The following BTBD16 variants were observed in gnomAD, a reference collection of about 807,000 sequenced individuals.
The protein encoded by BTBD16 is BTB/POZ domain-containing protein 16.
A neutral mutation model predicts 67.4 loss-of-function variants in BTBD16; 66 were observed. The observed-to-expected ratio is 0.98, with a 90% confidence interval of 0.80 to 1.20. The LOEUF (loss-of-function observed/expected upper bound fraction) is 1.20. Ranked by LOEUF, BTBD16 falls within the 50% of genes most tolerant of loss-of-function variation. The pLI is 0.00. For missense variants in BTBD16, 634 were observed against 616.0 expected, an observed-to-expected ratio of 1.03 and a Z score of -0.31; for synonymous variants, 242 against 236.4, an observed-to-expected ratio of 1.02 and a Z score of -0.22.
chr10:122,289,653 G>T (rs1172622843), intron 5 of BTBD16, among the ~76,000 whole-genome samples: 1 of 152,110 alleles, frequency 6.6e-6, no homozygotes, highest in East Asian at 1.9e-4. Flanking sequence ...CAGGAGAATA[G>T]CTTGAACCCA....
intron 5 of BTBD16, among the ~76,000 whole-genome samples, chr10:122,288,572 T>G (rs992053646): frequency 7.7e-6 from 1 of 129,034 alleles, no homozygotes; most frequent in African/African-American, 2.5e-5. Flanking sequence ...AGCACCAGTG[T>G]GTGTGAGCCT....
chr10:122,277,858 C>A (rs1019356262), intron 3 of BTBD16, among the ~76,000 whole-genome samples: 1 of 152,168 alleles, frequency 6.6e-6, no homozygotes, highest in Non-Finnish European at 1.5e-5. Flanking sequence ...TTTGTAGCAA[C>A]CCTATTGCAG....
Position 122,307,201 on chromosome 10 carries a change from T to G in BTBD16, c.804T>G (p.Phe268Leu). 1.2e-6 allele frequency: 2 copies of G among 1,602,880 alleles called. No homozygotes were observed. Among genetic ancestry groups the G allele is most frequent in the Non-Finnish European group, 1.7e-6 (2 of 1,176,828 alleles). The change falls in exon 10 of 16, where the codon TTT (phenylalanine) becomes TTG (leucine). Residue 268 changes from phenylalanine to leucine, a missense_variant. Phe to Leu is a conservative substitution (Grantham distance 22). Coordinates refer to ENST00000260723, the MANE Select transcript of BTBD16 (RefSeq NM_144587.5). ...TTATTTTGGCCAGGTTATTTACCTT[T>G]AGTGAATTCCATCTTCTGAAAACAA... The part of the protein sequence containing the change: ...KVLKSPRLFT[F>L]SEFHLLKTML...
chr10:122,301,557 G>A (rs74159114), intron 9 of BTBD16, among the ~76,000 whole-genome samples: 4,864 of 152,242 alleles, frequency 0.032, 254 homozygotes, highest in African/African-American at 0.11. Flanking sequence ...CATCTTCTGA[G>A]GTTGATCTCC....
intron 13 of BTBD16, chr10:122,332,984 C>A (rs544291969): frequency 8.9e-5 from 88 of 984,860 alleles, no homozygotes; most frequent in Admixed American, 1.8e-4. Context: ...GGTCAAGGAG[C>A]TTGATTGCAA....
chr10:122,293,870 C>T (rs1242058125), intron 7 of BTBD16, among the ~76,000 whole-genome samples: 22 of 152,190 alleles, frequency 1.4e-4, no homozygotes, highest in Admixed American at 1.4e-3. Context: ...GCCTCAGCTG[C>T]CCTACCTTAG....
chr10:122,295,772 C>T (rs1471022062), intron 7 of BTBD16, among the ~76,000 whole-genome samples: 1 of 152,192 alleles, frequency 6.6e-6, no homozygotes, highest in Non-Finnish European at 1.5e-5. Flanking sequence ...TTCCCCAGTA[C>T]TCAAGACAAC....
At chr10:122,276,992 G>T in intron 3 of BTBD16, 53 bp downstream of exon 3, 2 of 1,582,464 alleles carry the variant, frequency 1.3e-6, no homozygotes, top group Non-Finnish European at 1.7e-6. Context: ...TCCTGGGAGG[G>T]GAGGTGCCTG....
chr10:122,303,907 A>C (rs1411868780), intron 9 of BTBD16, among the ~76,000 whole-genome samples: 1 of 152,236 alleles, frequency 6.6e-6, no homozygotes, highest in Non-Finnish European at 1.5e-5. Flanking sequence ...ATATTGACCT[A>C]AAGACAGAGG....
At chr10:122,324,438 G>A (rs1590091463) in intron 10 of BTBD16, among the ~76,000 whole-genome samples, 1 of 152,366 alleles carries the variant, frequency 6.6e-6, no homozygotes. Flanking sequence ...GGTGGGCGAG[G>A]CCATGTGCCT....
At chr10:122,328,311 GC>G (rs1554893533) in intron 10 of BTBD16, among the ~76,000 whole-genome samples, 2 of 152,138 alleles carry the variant, frequency 1.3e-5, no homozygotes, top group Non-Finnish European at 2.9e-5. Context: ...GAAAGCATCC[GC>G]CTGACCTTAT....
chr10:122,336,515 G>A lies in BTBD16; in HGVS notation c.1285G>A (p.Glu429Lys), dbSNP rs1390133338. The change falls in exon 15 of 16, where the codon GAA (glutamate) becomes AAA (lysine). Residue 429 changes from glutamate (E) to lysine (K), a missense_variant. Transcript: ENST00000260723. The part of the protein sequence containing the change: ...YMQRIKHTDL[E>K]SPSAVYEHNH... ...GCAGAGAATAAAGCACACAGACCTGGAATCTCCCTCTGCGGTCTACGAGCA... is the reference window on the plus strand; with the variant it reads ...GCAGAGAATAAAGCACACAGACCTGAAATCTCCCTCTGCGGTCTACGAGCA... 3.1e-6 allele frequency: 5 copies of A among 1,608,752 alleles called. No homozygotes were observed. The highest frequency in any genetic ancestry group is 4.2e-6 in the Non-Finnish European group (5 of 1,177,834).
intron 9 of BTBD16, among the ~76,000 whole-genome samples, chr10:122,306,627 C>T (rs911662800): frequency 6.6e-6 from 1 of 152,140 alleles, no homozygotes; most frequent in African/African-American, 2.4e-5. Context: ...TCAATCATGG[C>T]CAGAGCTAAG....
chr10:122,317,890 T>A (rs561267443), intron 10 of BTBD16, among the ~76,000 whole-genome samples: 2 of 152,134 alleles, frequency 1.3e-5, no homozygotes, highest in African/African-American at 2.4e-5. Flanking sequence ...ACTTTTTTTT[T>A]ATAAGTAGAA....
intron 10 of BTBD16, among the ~76,000 whole-genome samples, chr10:122,315,361 A>G (rs2142106702): frequency 6.6e-6 from 1 of 152,346 alleles, no homozygotes; most frequent in African/African-American, 2.4e-5. Flanking sequence ...AATGAAACCA[A>G]CTAGGTCAAG....
chr10:122,327,588 T>C (rs2096447428), intron 10 of BTBD16: 1 of 985,310 alleles, frequency 1.0e-6, no homozygotes, highest in Non-Finnish European at 1.2e-6. Flanking sequence ...CCCAGCTTGG[T>C]TGGATGATGA....
intron 10 of BTBD16, among the ~76,000 whole-genome samples, chr10:122,307,608 A>AC (rs951802879): frequency 3.3e-5 from 5 of 151,800 alleles, no homozygotes; most frequent in Non-Finnish European, 7.4e-5. Flanking sequence ...TGACCACACT[A>AC]CCCTGGCCTT....
Position 122,278,351 on chromosome 10 carries a change from T to G in BTBD16, c.167+1412T>G, listed in dbSNP as rs116479238. On this transcript the variant is annotated intron_variant, in intron 3 of 15. Coordinates refer to ENST00000260723, the MANE Select transcript of BTBD16 (RefSeq NM_144587.5). Reference sequence around the variant, plus strand: ...TCTTCACTTACTAATTCTGTGACCTTTAGTCAGTGGCTAACCCTCTTTGGG... The same window carrying G: ...TCTTCACTTACTAATTCTGTGACCTGTAGTCAGTGGCTAACCCTCTTTGGG... Among the ~76,000 whole-genome samples, 552 of 152,256 alleles carry G rather than the reference T, an allele frequency of 3.6e-3. 3 individuals carry two copies. Among genetic ancestry groups the G allele is most frequent in the African/African-American group, 0.013 (520 of 41,544 alleles).
At chr10:122,290,050 C>T (rs753480976) in intron 6 of BTBD16, 52 bp downstream of exon 6, 3 of 1,263,870 alleles carry the variant, frequency 2.4e-6, no homozygotes, top group Middle Eastern at 3.7e-4. Flanking sequence ...AAATGGTCCT[C>T]CCAGATTTAA....
Sources: gnomAD v4.1 joint callset for allele counts (sites outside exome capture counted in the v4.1 genomes callset) on GRCh38, gnomAD v4.1.1 for gene constraint, MANE v1.5 for transcripts, NCBI Gene and HGNC (gene_info 2026-07-23, HGNC 2026-07-21) for gene names.